Variants in SLX9 observed in about 807,000 individuals in gnomAD.
SLX9 encodes SLX9 ribosome biogenesis factor, also known as ribosome biogenesis protein SLX9 homolog.
SLX9 carries 19 observed loss-of-function variants against 20.8 expected under a neutral mutation model. The observed-to-expected ratio is 0.91, with a 90% CI of 0.64 to 1.34. SLX9 has a LOEUF of 1.34. Among genes scored for constraint, SLX9 ranks in the 40% most tolerant of loss-of-function variants. The pLI is 0.00. For missense variants in SLX9, 299 were observed against 322.2 expected (o/e 0.93, Z 0.55); for synonymous variants, 113 against 137.1 (o/e 0.82, Z 1.23).
chr21:44,941,997 C>A (rs1325764171), intron 1 of SLX9, among the ~76,000 whole-genome samples: 3 of 152,256 alleles, frequency 2.0e-5, no homozygotes, highest in Non-Finnish European at 4.4e-5. Flanking sequence ...GGGGCAGGAG[C>A]AGCTTCAGCT....
chr21:44,950,682 C>T (rs546667591), intron 2 of SLX9, among the ~76,000 whole-genome samples: 5 of 152,264 alleles, frequency 3.3e-5, no homozygotes, highest in Non-Finnish European at 5.9e-5. Context: ...CCCATGGTCA[C>T]GCAGTCACAT....
intron 1 of SLX9, 101 bp from the exon 2 acceptor site, chr21:44,943,583 G>A: frequency 6.7e-7 from 1 of 1,490,192 alleles, no homozygotes; most frequent in South Asian, 1.3e-5. Flanking sequence ...GGGGAATCCA[G>A]GTTCTTGTCT....
chr21:44,960,025 C>T (rs1400345068), intron 2 of SLX9, 75 bp from the exon 3 acceptor site: 20 of 1,353,344 alleles, frequency 1.5e-5, no homozygotes, highest in Non-Finnish European at 1.9e-5. Context: ...AGTCAGGACC[C>T]GCCCCAGCCC....
At chr21:44,942,885 G>T (rs2084573931) in intron 1 of SLX9, among the ~76,000 whole-genome samples, 1 of 152,126 alleles carries the variant, frequency 6.6e-6, no homozygotes, top group African/African-American at 2.4e-5. Context: ...CTTACCTTCT[G>T]GTGTAGGAGG....
chr21:44,955,217 A>AG (rs1323376225), intron 2 of SLX9, among the ~76,000 whole-genome samples: 2 of 150,764 alleles, frequency 1.3e-5, no homozygotes, highest in African/African-American at 4.9e-5. Context: ...CAAAAAAAAA[A>AG]AAAAAGAAGT....
intron 3 of SLX9, among the ~76,000 whole-genome samples, chr21:44,965,576 C>T (rs915323842): frequency 2.6e-5 from 4 of 152,212 alleles, no homozygotes; most frequent in African/African-American, 7.2e-5. Context: ...TGTGCAGAAT[C>T]CTCTGCACAC....
At chr21:44,963,333 C>T (rs533183125) in intron 3 of SLX9, among the ~76,000 whole-genome samples, 4 of 151,850 alleles carry the variant, frequency 2.6e-5, no homozygotes, top group Non-Finnish European at 5.9e-5. Flanking sequence ...CGTGATCCGC[C>T]CGCCTTGGCC....
chr21:44,947,648 G>T (rs1052596182), intron 2 of SLX9, among the ~76,000 whole-genome samples: 2 of 150,800 alleles, frequency 1.3e-5, no homozygotes, highest in African/African-American at 4.9e-5. Context: ...ATCCCAGCTC[G>T]CCAGGAAGCC....
At chr21:44,951,851 G>C (rs934340775) in intron 2 of SLX9, among the ~76,000 whole-genome samples, 30 of 152,234 alleles carry the variant, frequency 2.0e-4, no homozygotes, top group African/African-American at 6.5e-4. Context: ...GCTGCTCTTT[G>C]TCCGAGCAGG....
At chr21:44,942,470 C>T (rs780780434) in intron 1 of SLX9, among the ~76,000 whole-genome samples, 7 of 152,192 alleles carry the variant, frequency 4.6e-5, no homozygotes, top group Non-Finnish European at 7.3e-5. Flanking sequence ...TGGGTGAGAG[C>T]ACCTGGGGAG....
At position 44,963,712 on chromosome 21, in the gene SLX9, G is replaced by A. The variant is rs561038297; in HGVS notation, c.353-3322G>A. ...GTTTTGTTGCCTTTGTGAAAAATCA[G>A]AAAGTCTCATAAGTGTGGATCTGTT... On this transcript the variant is annotated intron_variant, in intron 3 of 5. Transcript: ENST00000291634. Among the ~76,000 whole-genome samples the A allele has an allele frequency of 5.9e-5, 9 of 152,244 alleles. No homozygotes were observed. The South Asian group carries it at 1.9e-3, about 32-fold the overall frequency.
intron 4 of SLX9, among the ~76,000 whole-genome samples, chr21:44,971,121 C>T (rs904686071): frequency 1.3e-5 from 2 of 150,840 alleles, no homozygotes; most frequent in South Asian, 4.2e-4. Flanking sequence ...GGGAGGGGAC[C>T]CCCCATGCTG....
chr21:44,953,928 T>C (rs1375725932), intron 2 of SLX9, among the ~76,000 whole-genome samples: 3 of 152,234 alleles, frequency 2.0e-5, no homozygotes, highest in East Asian at 3.8e-4. Context: ...TTCTGCATCA[T>C]GACCATGCCA....
At chr21:44,962,541 A>G (rs1413020085) in intron 3 of SLX9, among the ~76,000 whole-genome samples, 1 of 152,238 alleles carries the variant, frequency 6.6e-6, no homozygotes, top group Admixed American at 6.5e-5. Flanking sequence ...ATTTCATTGT[A>G]TGAATACACC....
rs531518624 is a variant in SLX9, at chr21:44,975,676, A to G, written c.570-1004A>G. Among the ~76,000 whole-genome samples the G allele has an allele frequency of 9.8e-5, 15 of 152,348 alleles. No individual in the cohort carries two copies. The South Asian group carries it at 2.9e-3, about 29-fold the overall frequency. ...GGTCCTGGTAGCCCCAGAGATCACT[A>G]GTAATGTCCAGGCTGTGACTGGGGC... On this transcript the variant is annotated intron_variant, in intron 5 of 5. Coordinates refer to ENST00000291634, the MANE Select transcript of SLX9 (RefSeq NM_058190.4).
intron 2 of SLX9, among the ~76,000 whole-genome samples, chr21:44,956,594 C>T (rs1418616723): frequency 2.6e-5 from 4 of 152,210 alleles, no homozygotes; most frequent in Non-Finnish European, 4.4e-5. Context: ...TGAAGCAGCA[C>T]GTGCCAGCAG....
intron 4 of SLX9, among the ~76,000 whole-genome samples, chr21:44,967,886 G>C (rs757558314): frequency 6.6e-6 from 1 of 152,162 alleles, no homozygotes. Context: ...TACCTGTGTG[G>C]GAAGCACATG....
chr21:44,942,908 T>C (rs750000915), intron 1 of SLX9, among the ~76,000 whole-genome samples: 5 of 152,168 alleles, frequency 3.3e-5, no homozygotes, highest in Non-Finnish European at 7.4e-5. Flanking sequence ...ATCTTCCATA[T>C]GGGGGTTTTA....
At chr21:44,957,454 C>T (rs2084879085) in intron 2 of SLX9, among the ~76,000 whole-genome samples, 1 of 152,240 alleles carries the variant, frequency 6.6e-6, no homozygotes, top group Non-Finnish European at 1.5e-5. Flanking sequence ...TCTCCTCATC[C>T]TCCTCCTCTT....
Sources: gnomAD v4.1 joint callset for allele counts (sites outside exome capture counted in the v4.1 genomes callset) on GRCh38, gnomAD v4.1.1 for gene constraint, MANE v1.5 for transcripts, NCBI Gene and HGNC (gene_info 2026-07-23, HGNC 2026-07-21) for gene names.